Variants in NEGR1 observed in about 807,000 individuals in gnomAD.
NEGR1 encodes IgLON family member 4.
In NEGR1, 10 loss-of-function variants were observed where a neutral mutation model predicts 40.9. The observed-to-expected ratio is 0.24, with a 90% CI of 0.15 to 0.42. NEGR1 has a LOEUF of 0.42. Ranked by LOEUF, NEGR1 falls within the 10% of genes least tolerant of loss-of-function variation. The probability of loss-of-function intolerance (pLI) is 1.00; values close to 1 mark genes in which losing one functional copy is unlikely to be tolerated. For synonymous variants in NEGR1, 185 were observed against 166.8 expected (o/e 1.11, Z -0.84); for missense variants, 352 against 438.9 (o/e 0.80, Z 1.77).
chr1:71,521,642 C>T (rs1464148462), intron 6 of NEGR1, among the ~76,000 whole-genome samples: 1 of 151,950 alleles, frequency 6.6e-6, no homozygotes, highest in African/African-American at 2.4e-5. Flanking sequence ...AACAGGACTA[C>T]ATTTTTCATT....
intron 6 of NEGR1, among the ~76,000 whole-genome samples, chr1:71,471,662 C>A (rs1021678420): frequency 3.3e-5 from 5 of 151,508 alleles, no homozygotes; most frequent in South Asian, 2.1e-4. Context: ...ACAACAACAA[C>A]AAAAAAAAAG....
chr1:72,077,501 G>T (rs750176470), intron 1 of NEGR1, among the ~76,000 whole-genome samples: 2 of 151,922 alleles, frequency 1.3e-5, no homozygotes, highest in African/African-American at 4.8e-5. Context: ...CTTTAAAATT[G>T]TATTTTTGCT....
At chr1:71,942,425 C>T (rs1335798230) in intron 1 of NEGR1, among the ~76,000 whole-genome samples, 2 of 100,728 alleles carry the variant, frequency 2.0e-5, no homozygotes, top group Admixed American at 2.6e-4. Context: ...TTTAGTTTTA[C>T]TTTAATGCAC....
At chr1:71,961,733 C>T (rs1456690540) in intron 1 of NEGR1, among the ~76,000 whole-genome samples, 2 of 152,068 alleles carry the variant, frequency 1.3e-5, no homozygotes, top group Non-Finnish European at 2.9e-5. Context: ...TCATCTTATA[C>T]CTCTGTAAAA....
At chr1:71,712,534 T>A (rs1654133655) in intron 3 of NEGR1, among the ~76,000 whole-genome samples, 2 of 152,194 alleles carry the variant, frequency 1.3e-5, no homozygotes, top group Admixed American at 1.3e-4. Context: ...GTACTCCCAG[T>A]TCTGGCCAGA....
At chr1:71,932,303 T>G (rs986005033) in intron 2 of NEGR1, among the ~76,000 whole-genome samples, 4 of 152,126 alleles carry the variant, frequency 2.6e-5, no homozygotes, top group Admixed American at 1.3e-4. Flanking sequence ...GTTTTGTTTT[T>G]TTTTGTTGTT....
At chr1:71,806,511 A>G (rs1163474588) in intron 2 of NEGR1, among the ~76,000 whole-genome samples, 1 of 152,058 alleles carries the variant, frequency 6.6e-6, no homozygotes, top group Non-Finnish European at 1.5e-5. Flanking sequence ...TGTAAAAAAA[A>G]AAATCTAGCA....
intron 4 of NEGR1, among the ~76,000 whole-genome samples, chr1:71,617,117 T>C (rs962341011): frequency 2.6e-5 from 4 of 152,202 alleles, no homozygotes; most frequent in Non-Finnish European, 2.9e-5. Flanking sequence ...CACCACTTCA[T>C]CAAATGTGTC....
intron 6 of NEGR1, chr1:71,487,916 A>G (rs1296444727): frequency 2.0e-5 from 3 of 151,762 alleles, no homozygotes; most frequent in East Asian, 3.9e-4. Context: ...CATGTTGATC[A>G]TGAGGTAGAT....
At chr1:71,816,883 C>G (rs927219759) in intron 2 of NEGR1, among the ~76,000 whole-genome samples, 5 of 151,836 alleles carry the variant, frequency 3.3e-5, no homozygotes, top group African/African-American at 1.2e-4. Context: ...CAAAAACTTT[C>G]CCCCTAATAT....
At chr1:71,474,557 C>CAA (rs1646806571) in intron 6 of NEGR1, among the ~76,000 whole-genome samples, 1 of 146,392 alleles carries the variant, frequency 6.8e-6, no homozygotes, top group Admixed American at 6.9e-5. Context: ...CACACACACA[C>CAA]ACAATTAGCC....
chr1:71,941,575 G>A (rs1488062049), intron 1 of NEGR1, among the ~76,000 whole-genome samples: 1 of 152,004 alleles, frequency 6.6e-6, no homozygotes. Flanking sequence ...GACAGTGAAG[G>A]GTGGTGGGAA....
intron 4 of NEGR1, among the ~76,000 whole-genome samples, chr1:71,693,485 C>T (rs1653363684): frequency 1.3e-5 from 2 of 151,696 alleles, no homozygotes; most frequent in South Asian, 4.1e-4. Flanking sequence ...TCCGTTTCCA[C>T]ATAGAGCTGA....
chr1:71,651,083 G>A (rs767040398), intron 4 of NEGR1, among the ~76,000 whole-genome samples: 2 of 152,038 alleles, frequency 1.3e-5, no homozygotes, highest in African/African-American at 4.8e-5. Context: ...TACCTGACAC[G>A]TATTAGGAAC....
At chr1:71,665,556 G>A (rs959472095) in intron 4 of NEGR1, among the ~76,000 whole-genome samples, 7 of 152,076 alleles carry the variant, frequency 4.6e-5, no homozygotes, top group Admixed American at 6.6e-5. Context: ...TTGCAGTGAC[G>A]TAGCACCCAC....
chr1:71,631,996 G>T (rs1054340212), intron 4 of NEGR1, among the ~76,000 whole-genome samples: 8 of 151,606 alleles, frequency 5.3e-5, no homozygotes, highest in African/African-American at 1.9e-4. Context: ...TGTAATACAG[G>T]AATAATAAAA....
At chr1:71,558,722 C>CTTTTTTTTTTTTT (rs34141206) in intron 6 of NEGR1, among the ~76,000 whole-genome samples, 1 of 134,302 alleles carries the variant, frequency 7.4e-6, no homozygotes, top group Non-Finnish European at 1.6e-5. Context: ...TCTTTTCTTT[C>CTTTTTTTTTTTTT]TTTTTTTTTT....
chr1:71,469,522 A>G (rs1161568355), intron 6 of NEGR1, among the ~76,000 whole-genome samples: 1 of 152,088 alleles, frequency 6.6e-6, no homozygotes, highest in African/African-American at 2.4e-5. Context: ...GGGGCTGCAA[A>G]TGAAAAGCAA....
intron 1 of NEGR1, among the ~76,000 whole-genome samples, chr1:72,058,599 T>C (rs552774189): frequency 5.3e-5 from 8 of 151,828 alleles, no homozygotes; most frequent in South Asian, 4.1e-4. Flanking sequence ...AATGCCATTA[T>C]ACCAATATTA....
Sources: gnomAD v4.1 joint callset for allele counts (sites outside exome capture counted in the v4.1 genomes callset) on GRCh38, gnomAD v4.1.1 for gene constraint, MANE v1.5 for transcripts, NCBI Gene and HGNC (gene_info 2026-07-23, HGNC 2026-07-21) for gene names.